Variants in TNR observed in about 807,000 individuals in gnomAD.
The protein encoded by TNR is tenascin R.
A neutral mutation model predicts 150.4 loss-of-function variants in TNR; 45 were observed. That is an observed-to-expected ratio of 0.30 (90% CI 0.24 to 0.38). The LOEUF is 0.38. Ranked by LOEUF, TNR falls within the 10% of genes least tolerant of loss-of-function variation. TNR has a pLI of 1.00. For missense variants in TNR, 1,544 were observed against 1,759.1 expected (o/e 0.88, Z 2.19); for synonymous variants, 687 against 678.4 (o/e 1.01, Z -0.20).
intron 1 of TNR, among the ~76,000 whole-genome samples, chr1:175,727,377 G>A (rs776539190): frequency 6.6e-6 from 1 of 152,202 alleles, no homozygotes; most frequent in African/African-American, 2.4e-5. Context: ...GTGAGATTAA[G>A]TTCACTGGAG....
intron 1 of TNR, among the ~76,000 whole-genome samples, chr1:175,651,504 G>C (rs1243319762): frequency 6.6e-6 from 1 of 151,516 alleles, no homozygotes. Context: ...TTAATAAACT[G>C]GAAAAAAACC....
chr1:175,469,620 G>A (rs1557953179), intron 2 of TNR, among the ~76,000 whole-genome samples: 1 of 151,990 alleles, frequency 6.6e-6, no homozygotes, highest in Non-Finnish European at 1.5e-5. Flanking sequence ...TGTTGGGGCT[G>A]CTTGGTAACT....
chr1:175,372,097 C>T (rs1185983909), intron 9 of TNR, among the ~76,000 whole-genome samples: 2 of 152,154 alleles, frequency 1.3e-5, no homozygotes, highest in African/African-American at 4.8e-5. Flanking sequence ...GCACCTCCCC[C>T]CAACCCTTGC....
At chr1:175,492,679 T>C (rs939344097) in intron 2 of TNR, among the ~76,000 whole-genome samples, 1 of 152,116 alleles carries the variant, frequency 6.6e-6, no homozygotes, top group Non-Finnish European at 1.5e-5. Flanking sequence ...AATGACATGA[T>C]AAGTTAGAAT....
intron 2 of TNR, among the ~76,000 whole-genome samples, chr1:175,496,954 GC>G (rs1557969672): frequency 2.0e-5 from 3 of 152,176 alleles, no homozygotes; most frequent in African/African-American, 7.2e-5. Context: ...GCTCTCTGCT[GC>G]CTTTCCCCCG....
chr1:175,586,662 C>A (rs1028247708), intron 1 of TNR, among the ~76,000 whole-genome samples: 1 of 152,148 alleles, frequency 6.6e-6, no homozygotes, highest in South Asian at 2.1e-4. Context: ...GTATAGGTGG[C>A]CCCCATAAAT....
intron 1 of TNR, among the ~76,000 whole-genome samples, chr1:175,560,936 A>C (rs888674451): frequency 1.3e-5 from 2 of 152,232 alleles, no homozygotes; most frequent in South Asian, 2.1e-4. Context: ...CTCTGTTGAA[A>C]GATCTTGCCT....
At chr1:175,364,112 T>A (rs1411297907) in intron 12 of TNR, among the ~76,000 whole-genome samples, 1 of 152,218 alleles carries the variant, frequency 6.6e-6, no homozygotes, top group East Asian at 1.9e-4. Flanking sequence ...ACTTTTTTTT[T>A]AAGTTCATAT....
intron 1 of TNR, among the ~76,000 whole-genome samples, chr1:175,681,119 G>A (rs1208190387): frequency 6.6e-6 from 1 of 152,180 alleles, no homozygotes; most frequent in Non-Finnish European, 1.5e-5. Flanking sequence ...AGGAAGAAGG[G>A]GGGCAGGGAG....
intron 5 of TNR, 66 bp from the exon 6 acceptor site, chr1:175,393,961 G>T: frequency 7.7e-7 from 1 of 1,297,838 alleles, no homozygotes; most frequent in South Asian, 1.2e-5. Flanking sequence ...ATTGCCTGGT[G>T]CTTTGTCTTG....
Position 175,627,537 on chromosome 1 carries a change from T to C in TNR, c.-164-99168A>G, listed in dbSNP as rs192658308. Reference sequence around the variant, plus strand: ...TAGTTATGTGATTTTGAACCACAAATTTCTCATCTGGTAAAAATGGCATAA... The same window carrying C: ...TAGTTATGTGATTTTGAACCACAAACTTCTCATCTGGTAAAAATGGCATAA... On this transcript the variant is annotated intron_variant, in intron 1 of 22. Coordinates refer to ENST00000367674, the MANE Select transcript of TNR (RefSeq NM_003285.3). Among the ~76,000 whole-genome samples, 253 of 152,314 alleles carry C rather than the reference T, an allele frequency of 1.7e-3. 3 individuals are homozygous for C. Among genetic ancestry groups the C allele is most frequent in the African/African-American group, 6.0e-3 (248 of 41,580 alleles).
chr1:175,625,348 G>T (rs143845460), intron 1 of TNR, among the ~76,000 whole-genome samples: 29 of 152,348 alleles, frequency 1.9e-4, no homozygotes, highest in Non-Finnish European at 3.4e-4. Flanking sequence ...GTTGGGCCCT[G>T]TCAAAGCGAA....
intron 1 of TNR, among the ~76,000 whole-genome samples, chr1:175,625,148 A>G (rs1160293147): frequency 6.6e-6 from 1 of 152,190 alleles, no homozygotes; most frequent in Non-Finnish European, 1.5e-5. Context: ...ATAGCCACAA[A>G]TTTGGCTTCT....
At chr1:175,437,082 C>T (rs1655547809) in intron 2 of TNR, among the ~76,000 whole-genome samples, 2 of 152,224 alleles carry the variant, frequency 1.3e-5, no homozygotes, top group South Asian at 4.1e-4. Context: ...ACATTCTTCT[C>T]AGCACCACAC....
chr1:175,617,066 A>T (rs10157737), intron 1 of TNR, among the ~76,000 whole-genome samples: 73,315 of 151,988 alleles, frequency 0.48, 19,029 homozygotes, highest in African/African-American at 0.7. Context: ...TCTTCCTTCC[A>T]TCAGCCCTTC....
chr1:175,365,278 G>T lies in TNR; in HGVS notation c.2319C>A (p.Gly773=), dbSNP rs375460488. 90 of 1,598,808 alleles carry T rather than the reference G, an allele frequency of 5.6e-5. No individual in the cohort carries two copies. The highest frequency in any genetic ancestry group is 6.9e-5 in the Non-Finnish European group (81 of 1,170,442). The change falls in exon 12 of 23, where the codon GGC becomes GGA. Residue 773 remains glycine, a splice_region_variant and synonymous_variant. Coordinates refer to ENST00000367674, the MANE Select transcript of TNR (RefSeq NM_003285.3). ...SLESTVDAFT[G]FRPISHLHFS... Reference sequence around the variant, plus strand: ...AGTGCAGATGAGAGATGGGACGGAAGCCTGCAAAGCAAAGGAGATGGATGG... The same window carrying T: ...AGTGCAGATGAGAGATGGGACGGAATCCTGCAAAGCAAAGGAGATGGATGG...
chr1:175,536,080 T>C (rs1660269899), intron 1 of TNR, among the ~76,000 whole-genome samples: 1 of 152,272 alleles, frequency 6.6e-6, no homozygotes, highest in Non-Finnish European at 1.5e-5. Context: ...GATCTTGTTA[T>C]TTACTGTGTT....
chr1:175,335,559 T>C (rs1027968100), intron 20 of TNR, 152 bp downstream of exon 20: 16 of 697,118 alleles, frequency 2.3e-5, no homozygotes, highest in Non-Finnish European at 3.7e-5. Flanking sequence ...ATAGTGAAGC[T>C]AAACAGAGCA....
rs770586111 is a variant in TNR at position 175,406,720 on chromosome 1, C to A, written c.-6G>T. Reference sequence around the variant, plus strand: ...GTTTCCCCATCTGCCCCCATCCTCTCAGCCAGAGATCTGGGTTCAGGACCA... The same window carrying A: ...GTTTCCCCATCTGCCCCCATCCTCTAAGCCAGAGATCTGGGTTCAGGACCA... On this transcript the variant is annotated 5_prime_UTR_variant, in exon 3 of 23. Coordinates refer to ENST00000367674, the MANE Select transcript of TNR (RefSeq NM_003285.3). 51 of 1,612,464 alleles carry A rather than the reference C, an allele frequency of 3.2e-5. No individual in the cohort carries two copies. Among genetic ancestry groups the A allele is most frequent in the Non-Finnish European group, 8.5e-6 (10 of 1,179,216 alleles).
Sources: allele counts gnomAD v4.1 joint callset (sites outside exome capture counted in the v4.1 genomes callset), GRCh38; gene constraint gnomAD v4.1.1; transcripts MANE v1.5; gene names NCBI Gene and HGNC (gene_info 2026-07-23, HGNC 2026-07-21).